ZSCAN5A: variants seen among roughly 807,000 people sequenced by gnomAD.
ZSCAN5A encodes the protein zinc finger and SCAN domain-containing protein 5A.
ZSCAN5A carries 12 observed loss-of-function variants against 23.7 expected under a neutral mutation model. The observed-to-expected ratio is 0.51, with a 90% CI of 0.32 to 0.82. ZSCAN5A has a LOEUF of 0.82. ZSCAN5A is among the 40% of genes least tolerant of loss of function. ZSCAN5A has a pLI of 0.03. For missense variants in ZSCAN5A, 597 were observed against 617.9 expected (o/e 0.97, Z 0.36); for synonymous variants, 257 against 239.9 (o/e 1.07, Z -0.66).
chr19:56,234,619 G>A (rs527553076), intron 2 of ZSCAN5A, among the ~76,000 whole-genome samples: 9 of 152,194 alleles, frequency 5.9e-5, no homozygotes, highest in South Asian at 2.1e-4. Flanking sequence ...CTTAAAAACC[G>A]ATGTTATTCA....
intron 2 of ZSCAN5A, among the ~76,000 whole-genome samples, chr19:56,282,127 G>A (rs574294684): frequency 5.3e-4 from 81 of 152,252 alleles, no homozygotes; most frequent in African/African-American, 1.4e-3. Flanking sequence ...TGGGTAAGAC[G>A]TCTTCCTTTC....
chr19:56,311,231 C>G (rs540486472), intron 2 of ZSCAN5A, among the ~76,000 whole-genome samples: 13 of 152,178 alleles, frequency 8.5e-5, no homozygotes, highest in African/African-American at 3.1e-4. Flanking sequence ...AAAGATCATC[C>G]CTATAGCCAT....
intron 2 of ZSCAN5A, chr19:56,320,715 CA>C: frequency 8.5e-7 from 1 of 1,176,470 alleles, no homozygotes; most frequent in Non-Finnish European, 1.3e-6. Flanking sequence ...ACCTCTGCTT[CA>C]ATATATGGAA....
chr19:56,321,432 A>G (rs1216727065), intron 2 of ZSCAN5A: 2 of 670,066 alleles, frequency 3.0e-6, no homozygotes, highest in Admixed American at 4.7e-5. Context: ...AGTCTGTGAA[A>G]TGTCCAACGG....
chr19:56,363,915 C>T (rs2041749238), intron 1 of ZSCAN5A, among the ~76,000 whole-genome samples: 1 of 152,128 alleles, frequency 6.6e-6, no homozygotes, highest in Non-Finnish European at 1.5e-5. Context: ...TGCAACCTGG[C>T]CATGTGGTAG....
In ZSCAN5A at chr19:56,247,847, A is replaced by G. The variant is rs553449259; in HGVS notation, c.-127-22674T>C. ...GCTGGGACTACAGGCGCCTGCCACC[A>G]TGCCCGGCTAATTTTTTGTACTTTT... On this transcript the variant is annotated intron_variant, in intron 2 of 5. Coordinates refer to ENST00000683990, the MANE Select transcript of ZSCAN5A (RefSeq NM_001322064.3). 2.0e-5 allele frequency among the ~76,000 whole-genome samples: 3 copies of G among 151,830 alleles called. No homozygotes were observed. In the South Asian group the frequency reaches 6.3e-4, roughly 32 times the overall value.
At chr19:56,247,183 G>A (rs1366450975) in intron 2 of ZSCAN5A, 2 of 548,214 alleles carry the variant, frequency 3.6e-6, no homozygotes, top group Non-Finnish European at 6.6e-6. Flanking sequence ...GCAGCTCTCA[G>A]ACCTCCGCGT....
chr19:56,277,885 T>C (rs375753038), intron 2 of ZSCAN5A, among the ~76,000 whole-genome samples: 3 of 152,154 alleles, frequency 2.0e-5, no homozygotes, highest in Admixed American at 6.5e-5. Context: ...AAACCACTTG[T>C]ACCCCTAAAG....
chr19:56,302,545 G>A (rs867048694), intron 2 of ZSCAN5A, among the ~76,000 whole-genome samples: 54 of 21,596 alleles, frequency 2.5e-3, no homozygotes, highest in Non-Finnish European at 2.6e-3. Context: ...CTTCCTCCCC[G>A]TTCCTCCCTC....
intron 2 of ZSCAN5A, among the ~76,000 whole-genome samples, chr19:56,287,820 A>T (rs573128789): frequency 2.0e-5 from 3 of 152,316 alleles, no homozygotes; most frequent in Admixed American, 6.5e-5. Flanking sequence ...AAATCAGCCA[A>T]TGAATTTCCA....
chr19:56,229,325 ACTTCT>A (rs1277644348), intron 2 of ZSCAN5A, among the ~76,000 whole-genome samples: 6 of 152,230 alleles, frequency 3.9e-5, no homozygotes, highest in Admixed American at 6.5e-5. Flanking sequence ...GGAACTTCAA[ACTTCT>A]TGGGAGTAGA....
intron 2 of ZSCAN5A, among the ~76,000 whole-genome samples, chr19:56,253,814 G>A (rs1416122848): frequency 6.6e-6 from 1 of 152,184 alleles, no homozygotes; most frequent in Non-Finnish European, 1.5e-5. Flanking sequence ...TTTGCACGGG[G>A]TAAGGTGGCT....
At chr19:56,295,314 CCT>C (rs2039793488) in intron 2 of ZSCAN5A, among the ~76,000 whole-genome samples, 1 of 152,088 alleles carries the variant, frequency 6.6e-6, no homozygotes, top group South Asian at 2.1e-4. Context: ...GGAAAAAAGG[CCT>C]GGCATGGTAG....
At chr19:56,362,642 G>A (rs891372158) in intron 2 of ZSCAN5A, among the ~76,000 whole-genome samples, 1 of 152,144 alleles carries the variant, frequency 6.6e-6, no homozygotes, top group African/African-American at 2.4e-5. Flanking sequence ...GGCCCAGGAG[G>A]GCAGATCACG....
At chr19:56,329,705 T>C (rs1397064655) in intron 2 of ZSCAN5A, among the ~76,000 whole-genome samples, 1 of 152,174 alleles carries the variant, frequency 6.6e-6, no homozygotes, top group Non-Finnish European at 1.5e-5. Flanking sequence ...AAAAAAGTTT[T>C]TCATGATAAT....
chr19:56,247,911 C>G (rs539855356), intron 2 of ZSCAN5A, among the ~76,000 whole-genome samples: 24 of 152,140 alleles, frequency 1.6e-4, no homozygotes, highest in Admixed American at 7.2e-4. Context: ...AGGATGGTCT[C>G]GATCTCCTGA....
intron 2 of ZSCAN5A, among the ~76,000 whole-genome samples, chr19:56,242,181 C>T (rs1346609571): frequency 2.6e-5 from 4 of 152,106 alleles, no homozygotes; most frequent in Non-Finnish European, 4.4e-5. Context: ...CCCTTTCCCC[C>T]GAATCCTCAC....
At chr19:56,261,561 C>G (rs2146862556) in intron 2 of ZSCAN5A, among the ~76,000 whole-genome samples, 1 of 152,166 alleles carries the variant, frequency 6.6e-6, no homozygotes, top group East Asian at 1.9e-4. Flanking sequence ...AGCTGCCTGA[C>G]TTGAAAGTGT....
At chr19:56,233,054 C>A (rs2034600170) in intron 2 of ZSCAN5A, among the ~76,000 whole-genome samples, 1 of 152,170 alleles carries the variant, frequency 6.6e-6, no homozygotes, top group Non-Finnish European at 1.5e-5. Context: ...TCTATGAAGG[C>A]AGAGGCATTC....
Sources: gnomAD v4.1 joint callset for allele counts (sites outside exome capture counted in the v4.1 genomes callset) on GRCh38, gnomAD v4.1.1 for gene constraint, MANE v1.5 for transcripts, NCBI Gene and HGNC (gene_info 2026-07-23, HGNC 2026-07-21) for gene names.